The following CSMD1 variants were observed in gnomAD, a reference collection of about 807,000 sequenced individuals.
CSMD1 encodes CUB and Sushi multiple domains 1.
In CSMD1, 213 loss-of-function variants were observed where a neutral mutation model predicts 417.5. The observed-to-expected ratio is 0.51, with a 90% CI of 0.46 to 0.57. The LOEUF is 0.57. CSMD1 is among the 20% of genes least tolerant of loss of function. The probability of loss-of-function intolerance (pLI) is 0.00; values close to 1 mark genes in which losing one functional copy is unlikely to be tolerated. For synonymous variants in CSMD1, 2,862 were observed against 1,736.8 expected, an observed-to-expected ratio of 1.65 and a Z score of -16.11; for missense variants, 6,923 against 4,529.7, an observed-to-expected ratio of 1.53 and a Z score of -15.17.
chr8:4,087,343 C>T (rs1033843454), intron 3 of CSMD1, among the ~76,000 whole-genome samples: 3 of 152,206 alleles, frequency 2.0e-5, no homozygotes, highest in South Asian at 4.1e-4. Context: ...CAGGGAACCA[C>T]TTGCAAGTCT....
At chr8:4,898,807 T>C (rs938263340) in intron 1 of CSMD1, among the ~76,000 whole-genome samples, 1 of 152,184 alleles carries the variant, frequency 6.6e-6, no homozygotes, top group Non-Finnish European at 1.5e-5. Context: ...TAAATATTTA[T>C]ATTTTCTATT....
intron 7 of CSMD1, among the ~76,000 whole-genome samples, chr8:3,633,319 A>G (rs764622220): frequency 5.9e-5 from 9 of 152,204 alleles, no homozygotes; most frequent in South Asian, 2.1e-4. Flanking sequence ...CGTGTCATAC[A>G]TAAGACTCAG....
chr8:3,465,011 T>C (rs1185796741), intron 12 of CSMD1, among the ~76,000 whole-genome samples: 1 of 152,172 alleles, frequency 6.6e-6, no homozygotes, highest in Admixed American at 6.5e-5. Flanking sequence ...ATAATACACA[T>C]GCTCATAAGT....
At position 3,617,861 on chromosome 8, in the gene CSMD1, G is replaced by C. The variant is rs367874280; in HGVS notation, c.1010-1064C>G. Among the ~76,000 whole-genome samples the C allele has an allele frequency of 2.7e-4, 41 of 152,120 alleles. 1 individual carries two copies. In the South Asian group the frequency reaches 8.3e-3, roughly 31 times the overall value. On this transcript the variant is annotated intron_variant, in intron 7 of 69. Coordinates refer to ENST00000635120, the MANE Select transcript of CSMD1 (RefSeq NM_033225.6). ...CTGATTCTATTATTTGTAGCTGAAAGGTATACATATAAATATACATTTTCT... is the reference window on the plus strand; with the variant it reads ...CTGATTCTATTATTTGTAGCTGAAACGTATACATATAAATATACATTTTCT...
chr8:3,846,377 C>T (rs1354538354), intron 5 of CSMD1, among the ~76,000 whole-genome samples: 1 of 152,160 alleles, frequency 6.6e-6, no homozygotes, highest in Non-Finnish European at 1.5e-5. Context: ...TTATGTGGTG[C>T]ATGACTCTAC....
intron 3 of CSMD1, among the ~76,000 whole-genome samples, chr8:4,105,337 A>T (rs1029681651): frequency 2.0e-5 from 3 of 151,140 alleles, no homozygotes; most frequent in Admixed American, 6.6e-5. Flanking sequence ...ACACTTCTGA[A>T]TTTTTTTTTT....
intron 48 of CSMD1, among the ~76,000 whole-genome samples, chr8:3,091,156 T>G (rs1376472925): frequency 6.6e-6 from 1 of 152,064 alleles, no homozygotes; most frequent in East Asian, 1.9e-4. Flanking sequence ...TATCATCACT[T>G]ATGCAATTAA....
intron 3 of CSMD1, among the ~76,000 whole-genome samples, chr8:4,202,159 G>T (rs919482825): frequency 2.0e-5 from 3 of 151,902 alleles, no homozygotes; most frequent in African/African-American, 7.3e-5. Flanking sequence ...AGGACGGGTG[G>T]GATGACCAGC....
rs972363497 is a variant in CSMD1, at chr8:4,118,812, A to G, written c.416-86713T>C. 2.6e-5 allele frequency among the ~76,000 whole-genome samples: 4 copies of G among 152,216 alleles called. No individual in the cohort carries two copies. In the East Asian group the frequency reaches 5.8e-4, roughly 22 times the overall value. Reference sequence around the variant, plus strand: ...GCACATGTATGTTTATTACAGCACTATTCACAATAGCAAAGACTTGGAACC... The same window carrying G: ...GCACATGTATGTTTATTACAGCACTGTTCACAATAGCAAAGACTTGGAACC... On this transcript the variant is annotated intron_variant, in intron 3 of 69. Coordinates refer to ENST00000635120, the MANE Select transcript of CSMD1 (RefSeq NM_033225.6).
chr8:4,228,471 C>A (rs1432215193), intron 3 of CSMD1, among the ~76,000 whole-genome samples: 2 of 152,104 alleles, frequency 1.3e-5, no homozygotes, highest in South Asian at 4.1e-4. Flanking sequence ...CACCACACAG[C>A]TTCCACTGTA....
At chr8:2,974,746 T>C (rs1417262001) in intron 55 of CSMD1, 122 bp from the exon 56 acceptor site, 1 of 550,462 alleles carries the variant, frequency 1.8e-6, no homozygotes, top group East Asian at 3.4e-5. Context: ...CTAAATATTC[T>C]GGTACTTATG....
chr8:4,523,049 T>C (rs1803558610), intron 2 of CSMD1, among the ~76,000 whole-genome samples: 1 of 152,218 alleles, frequency 6.6e-6, no homozygotes, highest in Admixed American at 6.5e-5. Flanking sequence ...TCATAAGCTC[T>C]GCAGAGCTGC....
At chr8:3,537,662 T>C (rs1273107102) in intron 10 of CSMD1, among the ~76,000 whole-genome samples, 1 of 152,240 alleles carries the variant, frequency 6.6e-6, no homozygotes, top group Non-Finnish European at 1.5e-5. Context: ...TCAGGCAAAT[T>C]ACATATATTC....
intron 3 of CSMD1, among the ~76,000 whole-genome samples, chr8:4,354,907 T>C (rs976507774): frequency 1.4e-5 from 2 of 147,466 alleles, no homozygotes; most frequent in Non-Finnish European, 3.0e-5. Flanking sequence ...TGTGTGTGTG[T>C]GTTAAATATT....
chr8:3,949,925 G>C (rs1236674842), intron 5 of CSMD1: 2 of 455,924 alleles, frequency 4.4e-6, no homozygotes, highest in Non-Finnish European at 8.8e-6. Flanking sequence ...GTTGAGGCAG[G>C]ACGTGAAAAC....
At chr8:3,145,375 A>G (rs936363852) in intron 40 of CSMD1, among the ~76,000 whole-genome samples, 1 of 152,178 alleles carries the variant, frequency 6.6e-6, no homozygotes, top group African/African-American at 2.4e-5. Context: ...CCAGAAACAC[A>G]TTTTGAAATT....
intron 2 of CSMD1, among the ~76,000 whole-genome samples, chr8:4,530,423 T>G (rs1278458590): frequency 6.9e-6 from 1 of 144,638 alleles, no homozygotes; most frequent in Admixed American, 7.2e-5. Flanking sequence ...GTTTGCTGCA[T>G]CTACCAACCC....
intron 37 of CSMD1, among the ~76,000 whole-genome samples, chr8:3,179,555 T>C (rs1322761701): frequency 1.3e-5 from 2 of 152,188 alleles, no homozygotes; most frequent in Non-Finnish European, 2.9e-5. Context: ...GAAGCCCAGG[T>C]AAGTGCATAT....
intron 49 of CSMD1, among the ~76,000 whole-genome samples, chr8:3,083,633 TATATATATATATATA>T (rs1371865317): frequency 7.2e-4 from 22 of 30,462 alleles, no homozygotes; most frequent in East Asian, 6.1e-3. Flanking sequence ...TATATATATA[TATATATATATATATA>T]TTTTTTTTTT....
Sources: gnomAD v4.1 joint callset for allele counts (sites outside exome capture counted in the v4.1 genomes callset) on GRCh38, gnomAD v4.1.1 for gene constraint, MANE v1.5 for transcripts, NCBI Gene and HGNC (gene_info 2026-07-23, HGNC 2026-07-21) for gene names.